The following TARP variants were observed in gnomAD, a reference collection of about 807,000 sequenced individuals.
chr7:38,263,447 G>C, the TARP span, among the ~76,000 whole-genome samples: 1 of 151,698 alleles, frequency 6.6e-6, no homozygotes, highest in East Asian at 1.9e-4. Flanking sequence ...TTTATAAAGA[G>C]GCAATATAAT....
chr7:38,269,682 A>G, the TARP span: 1 of 569,670 alleles, frequency 1.8e-6, no homozygotes, highest in South Asian at 2.3e-5. Flanking sequence ...CCACAAATCA[A>G]ATAACTTAAA....
chr7:38,264,246 A>G, the TARP span, among the ~76,000 whole-genome samples: 1 of 151,982 alleles, frequency 6.6e-6, no homozygotes, highest in African/African-American at 2.4e-5. Flanking sequence ...GTAGAATGAC[A>G]TTAAGAGAAG....
At chr7:38,270,591 C>T in the TARP span, among the ~76,000 whole-genome samples, 1 of 151,672 alleles carries the variant, frequency 6.6e-6, no homozygotes, top group Non-Finnish European at 1.5e-5. Context: ...TGACTTCTGT[C>T]TAGTTCATGC....
chr7:38,271,495 T>C, the TARP span, among the ~76,000 whole-genome samples: 1 of 151,092 alleles, frequency 6.6e-6, no homozygotes, highest in Admixed American at 6.6e-5. Flanking sequence ...GGAGGAGATA[T>C]CGACATGAAA....
chr7:38,262,177 C>A, the TARP span: 1 of 1,611,808 alleles, frequency 6.2e-7, no homozygotes, highest in Non-Finnish European at 8.5e-7. Flanking sequence ...TTACCATTTG[C>A]ATCTTTTGAA....
the TARP span, among the ~76,000 whole-genome samples, chr7:38,271,575 C>T: frequency 1.3e-4 from 19 of 151,188 alleles, no homozygotes; most frequent in African/African-American, 4.4e-4. Flanking sequence ...AAATTTATCA[C>T]GGATTTGGTC....
At chr7:38,265,700 G>A in the TARP span, 5 of 1,486,684 alleles carry the variant, frequency 3.4e-6, no homozygotes, top group South Asian at 1.2e-5. Context: ...AATGAAATAT[G>A]AGTTTAAAAG....
At chr7:38,268,017 C>T in the TARP span, among the ~76,000 whole-genome samples, 4 of 151,060 alleles carry the variant, frequency 2.6e-5, no homozygotes, top group Non-Finnish European at 2.9e-5. Context: ...ACTTTCTCAA[C>T]GTAGTAGTTA....
At chr7:38,270,111 T>C in the TARP span, among the ~76,000 whole-genome samples, 3 of 151,838 alleles carry the variant, frequency 2.0e-5, no homozygotes, top group South Asian at 6.2e-4. Flanking sequence ...CAAAAATAAA[T>C]GCTATGGAAA....
chr7:38,265,263 T>C, the TARP span: 2 of 1,000,088 alleles, frequency 2.0e-6, no homozygotes, highest in Non-Finnish European at 2.9e-6. Flanking sequence ...AAGATTTATG[T>C]TTGTTTTTCA....
chr7:38,268,880 C>T, the TARP span, among the ~76,000 whole-genome samples: 1 of 151,136 alleles, frequency 6.6e-6, no homozygotes, highest in East Asian at 1.9e-4. Flanking sequence ...CCCATTGTCT[C>T]TTTACATGTG....
the TARP span, chr7:38,265,492 A>T: frequency 6.2e-7 from 1 of 1,612,010 alleles, no homozygotes; most frequent in Non-Finnish European, 8.5e-7. Flanking sequence ...GTTAGTCTTC[A>T]TGGTGTTCCC....
the TARP span, among the ~76,000 whole-genome samples, chr7:38,271,837 G>C: frequency 6.6e-6 from 1 of 150,492 alleles, no homozygotes; most frequent in Admixed American, 6.7e-5. Flanking sequence ...TGAAATATAA[G>C]GGCAAAAAAG....
chr7:38,263,040 CA>C, the TARP span, among the ~76,000 whole-genome samples: 1 of 151,130 alleles, frequency 6.6e-6, no homozygotes, highest in Non-Finnish European at 1.5e-5. Flanking sequence ...CTCATCTAAG[CA>C]AAAAAAGCAG....
At chr7:38,264,664 C>G in the TARP span, among the ~76,000 whole-genome samples, 1 of 151,414 alleles carries the variant, frequency 6.6e-6, no homozygotes, top group East Asian at 1.9e-4. Flanking sequence ...AACTTCTCTC[C>G]TGTATAATAT....
At chr7:38,265,550 T>A in the TARP span, 1 of 1,612,188 alleles carries the variant, frequency 6.2e-7, no homozygotes, top group East Asian at 2.2e-5. Context: ...TGCCAATGTA[T>A]CTTAATAACA....
the TARP span, among the ~76,000 whole-genome samples, chr7:38,273,127 GTTAC>G: frequency 6.7e-6 from 1 of 149,330 alleles, no homozygotes; most frequent in Non-Finnish European, 1.5e-5. Context: ...TGCAGCTTAT[GTTAC>G]TTCTAAATAT....
chr7:38,265,267 T>G, the TARP span: 3 of 1,041,960 alleles, frequency 2.9e-6, no homozygotes, highest in Non-Finnish European at 4.1e-6. Flanking sequence ...TTTATGTTTG[T>G]TTTTCATTAA....
the TARP span, among the ~76,000 whole-genome samples, chr7:38,273,088 C>T: frequency 2.7e-5 from 4 of 150,654 alleles, no homozygotes; most frequent in African/African-American, 7.4e-5. Context: ...AATAAACAAA[C>T]TCATTGGACC....
Sources: gnomAD v4.1 joint callset for allele counts (sites outside exome capture counted in the v4.1 genomes callset) on GRCh38, gnomAD v4.1.1 for gene constraint, MANE v1.5 for transcripts.